The following FCRL3 variants were observed in gnomAD, a reference collection of about 807,000 sequenced individuals.
The protein encoded by FCRL3 is Fc receptor-like protein 3.
Under a neutral mutation model 75.0 loss-of-function variants are expected in FCRL3, and 89 were observed. That is an observed-to-expected ratio of 1.19 (90% CI 1.00 to 1.42). The LOEUF (loss-of-function observed/expected upper bound fraction) is 1.42. FCRL3 is among the 40% of genes most tolerant of loss of function. The pLI is 0.00. For synonymous variants in FCRL3, 376 were observed against 348.5 expected, an observed-to-expected ratio of 1.08 and a Z score of -0.88; for missense variants, 946 against 880.0, an observed-to-expected ratio of 1.07 and a Z score of -0.95.
At chr1:157,691,609 A>G (rs1040240188) in intron 8 of FCRL3, among the ~76,000 whole-genome samples, 7 of 152,210 alleles carry the variant, frequency 4.6e-5, no homozygotes, top group African/African-American at 1.7e-4. Flanking sequence ...AAATTGAAAC[A>G]GATGGTTTGA....
chr1:157,696,026 G>A lies in FCRL3; in HGVS notation c.1132+14C>T. 1 of 1,602,156 alleles carries A rather than the reference G, an allele frequency of 6.2e-7. No homozygotes were observed. The highest frequency in any genetic ancestry group is 8.5e-7 in the Non-Finnish European group (1 of 1,174,006). On this transcript the variant is annotated intron_variant, in intron 7 of 14. Coordinates refer to ENST00000368184, the MANE Select transcript of FCRL3 (RefSeq NM_052939.4). Reference sequence around the variant, plus strand: ...CTTGCAACTCGAGGCTGTGTGAAAGGAATCGGAACTTACTTCTCACGGTGA... The same window carrying A: ...CTTGCAACTCGAGGCTGTGTGAAAGAAATCGGAACTTACTTCTCACGGTGA...
chr1:157,697,217 C>A lies in FCRL3; in HGVS notation c.767G>T (p.Gly256Val). 1.3e-6 allele frequency: 2 copies of A among 1,593,056 alleles called. No individual in the cohort carries two copies. The highest frequency in any genetic ancestry group is 1.1e-5 in the South Asian group (1 of 87,892). The change falls in exon 6 of 15, where the codon GGG (glycine) becomes GTG (valine). Residue 256 changes from glycine (G) to valine (V), a missense_variant. Coordinates refer to ENST00000368184, the MANE Select transcript of FCRL3 (RefSeq NM_052939.4). ...TGTCTCCACCTCACACCAGTAAGAC[C>A]CTGAGTCTTCAGTCCACATGGCAGG... ...QIPAMWTEDS[G>V]SYWCEVETVT...
At chr1:157,698,161 C>A in intron 4 of FCRL3, 1 of 717,950 alleles carries the variant, frequency 1.4e-6, no homozygotes, top group Middle Eastern at 4.0e-4. Flanking sequence ...AGACTTGAAC[C>A]CCTTTTTGCC....
In FCRL3 at chr1:157,677,205, C is replaced by A. The variant is rs946659355; in HGVS notation, c.*1505G>T. ...TGGCTTTGCTGGTCGTAATGGAGGA[C>A]AAAAGTGCCTTCTGGTGAAACTCAG... On this transcript the variant is annotated 3_prime_UTR_variant, in exon 15 of 15. Coordinates refer to ENST00000368184, the MANE Select transcript of FCRL3 (RefSeq NM_052939.4). The A allele has an allele frequency of 9.9e-6, 10 of 1,006,930 alleles. No homozygotes were observed. Among genetic ancestry groups the A allele is most frequent in the East Asian group, 9.3e-5 (1 of 10,766 alleles). The allele number at this position is 1,006,930 out of a possible 1,614,324, so 62.4% of individuals were successfully genotyped here. A position where few individuals can be genotyped will look rare whatever the true frequency, so the allele number is the denominator to read the frequency against.
chr1:157,700,405 C>T (rs1656238583), intron 2 of FCRL3, 54 bp downstream of exon 2: 1 of 1,612,676 alleles, frequency 6.2e-7, no homozygotes, highest in Non-Finnish European at 8.5e-7. Flanking sequence ...TGAGTTTTTC[C>T]CTGGTCACCT....
rs555967986 is a variant in FCRL3 at position 157,676,941 on chromosome 1, C to A, written c.*1769G>T. On this transcript the variant is annotated 3_prime_UTR_variant, in exon 15 of 15. Transcript: ENST00000368184. Reference sequence around the variant, plus strand: ...CCCAAAACCGGTTTACATATTTTCACCATAGAGAAAAAAACAGCAGAATGT... The same window carrying A: ...CCCAAAACCGGTTTACATATTTTCAACATAGAGAAAAAAACAGCAGAATGT... 2.1e-6 allele frequency: 3 copies of A among 1,410,244 alleles called. No homozygotes were observed. Among genetic ancestry groups the A allele is most frequent in the South Asian group, 1.5e-5 (1 of 64,612 alleles). The allele number at this position is 1,410,244 out of a possible 1,614,324, so 87.4% of individuals were successfully genotyped here.
intron 5 of FCRL3, 106 bp from the exon 6 acceptor site, chr1:157,697,530 A>G (rs1352033711): frequency 7.5e-6 from 11 of 1,463,858 alleles, no homozygotes; most frequent in Non-Finnish European, 1.0e-5. Context: ...AGAAGCATGC[A>G]GAAGGAACCA....
chr1:157,697,383 G>T lies in FCRL3; in HGVS notation c.601C>A (p.Pro201Thr). Residue 201 changes from proline to threonine, a missense_variant, in exon 6 of 15, where the codon CCC (proline) becomes ACC (threonine). Pro to Thr is a conservative substitution (Grantham distance 38). Coordinates refer to ENST00000368184, the MANE Select transcript of FCRL3 (RefSeq NM_052939.4). The part of the protein sequence containing the change: ...HPVLRASSST[P>T]IEGSPMTLTC... ...AGGGTCATGGGACTCCCCTCTATGGGCGTGGAAGAGCTGGCTCTCAGCACA... is the reference window on the plus strand; with the variant it reads ...AGGGTCATGGGACTCCCCTCTATGGTCGTGGAAGAGCTGGCTCTCAGCACA... 6.4e-7 allele frequency: 1 copy of T among 1,567,566 alleles called. No homozygotes were observed. Among genetic ancestry groups the T allele is most frequent in the African/African-American group, 1.4e-5 (1 of 73,034 alleles).
intron 8 of FCRL3, among the ~76,000 whole-genome samples, chr1:157,694,431 T>C (rs1655759577): frequency 6.6e-6 from 1 of 152,198 alleles, no homozygotes. Flanking sequence ...AACCAAAATG[T>C]CATAAGTGTT....
chr1:157,676,946 G>A lies in FCRL3; in HGVS notation c.*1764C>T, dbSNP rs1383941207. ...AACCGGTTTACATATTTTCACCATA[G>A]AGAAAAAAACAGCAGAATGTATCAC... On this transcript the variant is annotated 3_prime_UTR_variant, in exon 15 of 15. Coordinates refer to ENST00000368184, the MANE Select transcript of FCRL3 (RefSeq NM_052939.4). 2.1e-6 allele frequency: 3 copies of A among 1,407,740 alleles called. No homozygotes were observed. The highest frequency in any genetic ancestry group is 1.4e-5 in the African/African-American group (1 of 69,012). The allele number at this position is 1,407,740 out of a possible 1,614,324, so 87.2% of individuals were successfully genotyped here.
chr1:157,689,791 C>A lies in FCRL3; in HGVS notation c.1810+7G>T. 6.2e-7 allele frequency: 1 copy of A among 1,614,134 alleles called. No individual in the cohort carries two copies. The highest frequency in any genetic ancestry group is 8.5e-7 in the Non-Finnish European group (1 of 1,180,006). On this transcript the variant is annotated splice_region_variant and intron_variant, in intron 10 of 14. Transcript: ENST00000368184. ...ATCACATCACAAGGTAGGACCTAGACACCCACCTGGTTTCCTTCGGGCCCT... is the reference window on the plus strand; with the variant it reads ...ATCACATCACAAGGTAGGACCTAGAAACCCACCTGGTTTCCTTCGGGCCCT...
intron 11 of FCRL3, among the ~76,000 whole-genome samples, chr1:157,683,008 A>G (rs753141139): frequency 1.4e-4 from 22 of 152,240 alleles, no homozygotes; most frequent in Non-Finnish European, 3.2e-4. Flanking sequence ...ATAGATAGCC[A>G]ATAACATGTA....
rs114145404 is a variant in FCRL3 at position 157,699,198 on chromosome 1, G to C, written c.52+494C>G. ...AAAGAATTTAAATGGAGGAGGATGGGTTGCCTGAGAAGTCAGACTTGTGTA... is the reference window on the plus strand; with the variant it reads ...AAAGAATTTAAATGGAGGAGGATGGCTTGCCTGAGAAGTCAGACTTGTGTA... On this transcript the variant is annotated intron_variant, in intron 3 of 14. Transcript: ENST00000368184. Among the ~76,000 whole-genome samples, 1,036 of 152,314 alleles carry C rather than the reference G, an allele frequency of 6.8e-3. 7 individuals are homozygous for C. The highest frequency in any genetic ancestry group is 0.017 in the Middle Eastern group (5 of 294).
In FCRL3 at chr1:157,690,461, A is replaced by C; in HGVS notation, c.1484T>G (p.Leu495Arg). 6.2e-7 allele frequency: 1 copy of C among 1,614,228 alleles called. No homozygotes were observed. The change falls in exon 9 of 15, where the codon CTT (leucine) becomes CGT (arginine). Residue 495 changes from leucine (L) to arginine (R), a missense_variant. By Grantham distance (102) the Leu-to-Arg change is moderately radical. Coordinates refer to ENST00000368184, the MANE Select transcript of FCRL3 (RefSeq NM_052939.4). ...GGAGCCTCTCAGGGACTCACAGTGAAGCTCCAGCAGGTCCCCCACCACAGC... is the reference window on the plus strand; with the variant it reads ...GGAGCCTCTCAGGGACTCACAGTGACGCTCCAGCAGGTCCCCCACCACAGC... ...AQAVVGDLLE[L>R]HCESLRGSFP...
At position 157,678,575 on chromosome 1, in the gene FCRL3, T is replaced by C; in HGVS notation, c.*135A>G. The C allele has an allele frequency of 6.6e-7, 1 of 1,509,420 alleles. No homozygotes were observed. The highest frequency in any genetic ancestry group is 8.8e-7 in the Non-Finnish European group (1 of 1,138,998). The allele number at this position is 1,509,420 out of a possible 1,614,324, so 93.5% of individuals were successfully genotyped here. ...CAGGCACAGGGGAGATTTGCAGACC[T>C]TTTGCTCAGCCTCACATACCCTGCA... is the stretch of plus-strand genomic sequence containing the variant. On this transcript the variant is annotated 3_prime_UTR_variant, in exon 15 of 15. Coordinates refer to ENST00000368184, the MANE Select transcript of FCRL3 (RefSeq NM_052939.4).
chr1:157,683,716 T>G (rs1349583996), intron 10 of FCRL3, among the ~76,000 whole-genome samples: 1 of 152,136 alleles, frequency 6.6e-6, no homozygotes, highest in Non-Finnish European at 1.5e-5. Flanking sequence ...CTGTGACCCC[T>G]CACCCCTGCA....
intron 10 of FCRL3, among the ~76,000 whole-genome samples, chr1:157,688,088 A>C (rs538132454): frequency 3.3e-5 from 5 of 152,266 alleles, no homozygotes; most frequent in Admixed American, 3.3e-4. Flanking sequence ...ATGAAACCTA[A>C]TCATATCAAT....
intron 9 of FCRL3, 127 bp downstream of exon 9, chr1:157,690,128 C>G (rs1655422577): frequency 3.7e-6 from 5 of 1,362,690 alleles, no homozygotes; most frequent in Non-Finnish European, 4.0e-6. Context: ...GTACCAATCT[C>G]CAGAAGTCCC....
At chr1:157,679,186 CT>C (rs2101582864) in intron 13 of FCRL3, 1 of 609,410 alleles carries the variant, frequency 1.6e-6, no homozygotes, top group African/African-American at 1.8e-5. Context: ...CTGTTGGATT[CT>C]TCCAAACCCA....
Sources: allele counts gnomAD v4.1 joint callset (sites outside exome capture counted in the v4.1 genomes callset), GRCh38; gene constraint gnomAD v4.1.1; transcripts MANE v1.5; gene names NCBI Gene and HGNC (gene_info 2026-07-23, HGNC 2026-07-21).